Variants in ST6GALNAC5 observed in about 807,000 individuals in gnomAD.
The protein encoded by ST6GALNAC5 is ST6 N-acetylgalactosaminide alpha-2,6-sialyltransferase 5.
ST6GALNAC5 carries 27 observed loss-of-function variants against 33.6 expected under a neutral mutation model. The ratio of observed to expected loss-of-function variants is 0.80; its 90% CI spans 0.59 to 1.11. The LOEUF (loss-of-function observed/expected upper bound fraction) is 1.11. Ranked by LOEUF, ST6GALNAC5 falls within the 50% of genes least tolerant of loss-of-function variation. The probability of loss-of-function intolerance (pLI) is 0.00; values close to 1 mark genes in which losing one functional copy is unlikely to be tolerated. For missense variants in ST6GALNAC5, 428 were observed against 454.0 expected (o/e 0.94, Z 0.52); for synonymous variants, 194 against 171.2 (o/e 1.13, Z -1.04).
At chr1:76,963,684 C>T (rs1251941809) in intron 2 of ST6GALNAC5, among the ~76,000 whole-genome samples, 2 of 152,178 alleles carry the variant, frequency 1.3e-5, no homozygotes, top group Admixed American at 1.3e-4. Context: ...ATTTCCACCT[C>T]TACATTTGTG....
At chr1:76,912,220 T>C (rs1453835615) in intron 2 of ST6GALNAC5, among the ~76,000 whole-genome samples, 2 of 152,178 alleles carry the variant, frequency 1.3e-5, no homozygotes, top group African/African-American at 4.8e-5. Context: ...TCAGTTTCCA[T>C]GTACTTGAGT....
chr1:76,938,651 G>A (rs1343206814), intron 2 of ST6GALNAC5, among the ~76,000 whole-genome samples: 2 of 152,046 alleles, frequency 1.3e-5, no homozygotes, highest in Non-Finnish European at 2.9e-5. Context: ...TGCTCCGTGT[G>A]GTTCATTTGT....
chr1:76,947,972 T>G (rs1647589615), intron 2 of ST6GALNAC5, among the ~76,000 whole-genome samples: 1 of 152,102 alleles, frequency 6.6e-6, no homozygotes, highest in African/African-American at 2.4e-5. Context: ...TGAGAGGAGC[T>G]TAATACATCA....
At position 77,044,375 on chromosome 1, in the gene ST6GALNAC5, G is replaced by A. The variant is rs375598901; in HGVS notation, c.433G>A (p.Ala145Thr). 16 of 1,613,718 alleles carry A rather than the reference G, an allele frequency of 9.9e-6. No homozygotes were observed. The highest frequency in any genetic ancestry group is 2.2e-5 in the East Asian group (1 of 44,852). The change falls in exon 3 of 5, where the codon GCG becomes ACG. Residue 145 changes from alanine (A) to threonine (T), a missense_variant. By Grantham distance (58) the Ala-to-Thr change is moderately conservative (BLOSUM62 0). Transcript: ENST00000477717. ...VGNRTSLRVI[A>T]HSSIQRILRN... ...CAATCGCACCAGCCTGAGGGTCATC[G>A]CGCATTCCAGCATCCAGAGGATCCT...
At position 76,922,283 on chromosome 1, in the gene ST6GALNAC5, T is replaced by A. The variant is rs1044107659; in HGVS notation, c.261+53541T>A. On this transcript the variant is annotated intron_variant, in intron 2 of 4. Coordinates refer to ENST00000477717, the MANE Select transcript of ST6GALNAC5 (RefSeq NM_030965.3). Reference sequence around the variant, plus strand: ...TACAATCACTCCAAAGTAAATGAAATACTTAGGTATAAACCTAACAAAAAA... The same window carrying A: ...TACAATCACTCCAAAGTAAATGAAAAACTTAGGTATAAACCTAACAAAAAA... Among the ~76,000 whole-genome samples, 8 of 152,136 alleles carry A rather than the reference T, an allele frequency of 5.3e-5. No homozygotes were observed. In the South Asian group the frequency reaches 6.2e-4, roughly 12 times the overall value.
At chr1:77,057,088 CTCTATTCTT>C (rs1476831263) in intron 4 of ST6GALNAC5, among the ~76,000 whole-genome samples, 2 of 152,210 alleles carry the variant, frequency 1.3e-5, no homozygotes, top group African/African-American at 4.8e-5. Flanking sequence ...ACTCTATTCT[CTCTATTCTT>C]CAAACATTTC....
intron 2 of ST6GALNAC5, among the ~76,000 whole-genome samples, chr1:77,036,815 C>T (rs936645736): frequency 1.3e-5 from 2 of 152,190 alleles, no homozygotes; most frequent in African/African-American, 2.4e-5. Context: ...TCCCTCCTTT[C>T]GGGGAGCTTA....
chr1:76,947,722 G>A (rs931150292), intron 2 of ST6GALNAC5, among the ~76,000 whole-genome samples: 11 of 152,026 alleles, frequency 7.2e-5, no homozygotes, highest in African/African-American at 1.2e-4. Flanking sequence ...TTCTAGCCTC[G>A]GTGACAGAGC....
intron 2 of ST6GALNAC5, among the ~76,000 whole-genome samples, chr1:77,036,875 CATGAATTTAAACA>C (rs1191566480): frequency 6.6e-6 from 1 of 152,098 alleles, no homozygotes; most frequent in Non-Finnish European, 1.5e-5. Context: ...GGTAGTGATA[CATGAATTTAAACA>C]AAAACCTGGA....
intron 2 of ST6GALNAC5, among the ~76,000 whole-genome samples, chr1:76,911,700 A>G (rs1456562001): frequency 6.6e-6 from 1 of 151,976 alleles, no homozygotes; most frequent in Non-Finnish European, 1.5e-5. Flanking sequence ...GAATTTATCC[A>G]TTTCTTCTAG....
At chr1:77,059,830 T>G (rs1305558253) in intron 4 of ST6GALNAC5, among the ~76,000 whole-genome samples, 1 of 152,208 alleles carries the variant, frequency 6.6e-6, no homozygotes, top group Non-Finnish European at 1.5e-5. Context: ...GAAATGCTGT[T>G]TCTTCTCCTC....
chr1:76,907,600 T>A (rs1439538706), intron 2 of ST6GALNAC5, among the ~76,000 whole-genome samples: 2 of 152,264 alleles, frequency 1.3e-5, no homozygotes, highest in South Asian at 4.1e-4. Context: ...TACTTTACCA[T>A]GCAAGTGTAG....
chr1:76,998,988 G>A (rs1272926996), intron 2 of ST6GALNAC5, among the ~76,000 whole-genome samples: 2 of 152,084 alleles, frequency 1.3e-5, no homozygotes, highest in Admixed American at 6.6e-5. Context: ...CTAAGATCTG[G>A]TGACTATGAA....
intron 2 of ST6GALNAC5, among the ~76,000 whole-genome samples, chr1:76,958,872 T>C (rs1471206505): frequency 6.6e-6 from 1 of 152,124 alleles, no homozygotes; most frequent in Non-Finnish European, 1.5e-5. Flanking sequence ...GCCTCCTCCC[T>C]TTGTGCCCCA....
chr1:77,007,413 A>G (rs1173475667), intron 2 of ST6GALNAC5, among the ~76,000 whole-genome samples: 2 of 152,206 alleles, frequency 1.3e-5, no homozygotes, highest in Non-Finnish European at 2.9e-5. Context: ...GAACTCTTCT[A>G]GGACCTGGGT....
chr1:77,057,676 G>A (rs1234258049), intron 4 of ST6GALNAC5, among the ~76,000 whole-genome samples: 1 of 152,294 alleles, frequency 6.6e-6, no homozygotes, highest in Non-Finnish European at 1.5e-5. Flanking sequence ...TGCTTTAGAC[G>A]AGGGCAAAGA....
At chr1:77,034,333 T>C (rs554949222) in intron 2 of ST6GALNAC5, among the ~76,000 whole-genome samples, 5 of 152,242 alleles carry the variant, frequency 3.3e-5, no homozygotes, top group African/African-American at 1.2e-4. Flanking sequence ...CTGTGTTTTG[T>C]GTCTCTTCTT....
intron 2 of ST6GALNAC5, among the ~76,000 whole-genome samples, chr1:76,970,270 G>A (rs1648691944): frequency 2.0e-5 from 3 of 151,930 alleles, no homozygotes; most frequent in Non-Finnish European, 4.4e-5. Flanking sequence ...GCTAAAGGAG[G>A]ATGTTCGAAT....
At chr1:77,027,146 T>C (rs1221289140) in intron 2 of ST6GALNAC5, among the ~76,000 whole-genome samples, 1 of 152,218 alleles carries the variant, frequency 6.6e-6, no homozygotes, top group Non-Finnish European at 1.5e-5. Context: ...TCTGGATCCT[T>C]TCACGGTTCT....
Sources: allele counts gnomAD v4.1 joint callset (sites outside exome capture counted in the v4.1 genomes callset), GRCh38; gene constraint gnomAD v4.1.1; transcripts MANE v1.5; gene names NCBI Gene and HGNC (gene_info 2026-07-23, HGNC 2026-07-21).